ARHGAP29: variants seen among roughly 807,000 people sequenced by gnomAD.
ARHGAP29 encodes Rho GTPase activating protein 29.
A neutral mutation model predicts 122.6 loss-of-function variants in ARHGAP29; 43 were observed. That is an observed-to-expected ratio of 0.35 (90% CI 0.27 to 0.45). The LOEUF (loss-of-function observed/expected upper bound fraction) is 0.45, where lower values mean the gene tolerates loss of function less well. Ranked by LOEUF, ARHGAP29 falls within the 20% of genes least tolerant of loss-of-function variation. The probability of loss-of-function intolerance (pLI) is 1.00; values close to 1 mark genes in which losing one functional copy is unlikely to be tolerated. For synonymous variants in ARHGAP29, 506 were observed against 497.1 expected (o/e 1.02, Z -0.24); for missense variants, 1,303 against 1,477.2 (o/e 0.88, Z 1.93).
upstream of ARHGAP29, chr1:94,237,637 A>C (rs990729732): frequency 3.3e-5 from 33 of 986,390 alleles, no homozygotes; most frequent in South Asian, 4.5e-5. Flanking sequence ...CCCGCCCGCC[A>C]GCCCCGCCCC....
chr1:94,301,959 G>A, the ARHGAP29 span: 1 of 156,552 alleles, frequency 6.4e-6, no homozygotes, highest in Non-Finnish European at 1.4e-5. Context: ...TAAAGAGGAA[G>A]GAAATTCAGC....
chr1:94,186,752 T>C (rs914384807), intron 15 of ARHGAP29, among the ~76,000 whole-genome samples, 155 bp from the exon 16 acceptor site: 4 of 152,232 alleles, frequency 2.6e-5, no homozygotes, highest in Non-Finnish European at 2.9e-5. Flanking sequence ...ACAGGGAATT[T>C]TGATACTCAT....
intron 3 of ARHGAP29, among the ~76,000 whole-genome samples, chr1:94,211,204 T>C (rs956453049): frequency 3.7e-5 from 5 of 135,302 alleles, no homozygotes; most frequent in African/African-American, 8.0e-5. Context: ...TGAGAATCAC[T>C]TGAACCCAGG....
rs756691020 is a variant in ARHGAP29, at chr1:94,231,467, C to T, written c.145G>A (p.Val49Met). The change falls in exon 2 of 23, where the codon GTG (valine) becomes ATG (methionine). Residue 49 changes from valine (V) to methionine (M), a missense_variant. Coordinates refer to ENST00000260526, the MANE Select transcript of ARHGAP29 (RefSeq NM_004815.4). ...TGGGAGAACTTCCTGATATCATTCACCAACTCCTTGATGTAATCCGGATCA... is the reference window on the plus strand; with the variant it reads ...TGGGAGAACTTCCTGATATCATTCATCAACTCCTTGATGTAATCCGGATCA... ...IFDPDYIKEL[V>M]NDIRKFSHML... 6.2e-7 allele frequency: 1 copy of T among 1,613,640 alleles called. No individual in the cohort carries two copies. The highest frequency in any genetic ancestry group is 8.5e-7 in the Non-Finnish European group (1 of 1,179,730).
chr1:94,263,829 A>G (rs371667349), intron 1 of ARHGAP29, among the ~76,000 whole-genome samples: 25 of 152,174 alleles, frequency 1.6e-4, no homozygotes, highest in Non-Finnish European at 2.6e-4. Flanking sequence ...TTTTTATAAT[A>G]TAAACATTTT....
At chr1:94,203,435 A>G (rs1336304924) in intron 8 of ARHGAP29, among the ~76,000 whole-genome samples, 1 of 152,240 alleles carries the variant, frequency 6.6e-6, no homozygotes, top group African/African-American at 2.4e-5. Flanking sequence ...CAGTATTTGT[A>G]TAAAATTGTA....
At chr1:94,247,080 A>G (rs979171867) in intron 1 of ARHGAP29, among the ~76,000 whole-genome samples, 8 of 152,124 alleles carry the variant, frequency 5.3e-5, no homozygotes, top group Non-Finnish European at 1.5e-5. Context: ...AAAAGTAAAT[A>G]TGGAACATGA....
At chr1:94,211,769 T>A (rs1570548051) in intron 3 of ARHGAP29, among the ~76,000 whole-genome samples, 2 of 152,290 alleles carry the variant, frequency 1.3e-5, no homozygotes, top group South Asian at 4.2e-4. Context: ...TTTATTATTA[T>A]TATACTTTAA....
At chr1:94,273,673 C>T (rs1655079694) in intron 1 of ARHGAP29, among the ~76,000 whole-genome samples, 1 of 152,156 alleles carries the variant, frequency 6.6e-6, no homozygotes, top group African/African-American at 2.4e-5. Flanking sequence ...GCAAAACAAA[C>T]ATCTCATATC....
At chr1:94,293,829 A>G in the ARHGAP29 span, among the ~76,000 whole-genome samples, 1 of 152,124 alleles carries the variant, frequency 6.6e-6, no homozygotes. Flanking sequence ...TCCTCCAGGG[A>G]TTTTATGAAG....
intron 1 of ARHGAP29, among the ~76,000 whole-genome samples, chr1:94,273,749 T>G (rs911883308): frequency 2.0e-5 from 3 of 152,174 alleles, no homozygotes; most frequent in African/African-American, 7.2e-5. Flanking sequence ...TAGAGAAGTT[T>G]TTAGTCTTTT....
At chr1:94,199,451 G>A (rs1030436487) in intron 12 of ARHGAP29, among the ~76,000 whole-genome samples, 1 of 152,118 alleles carries the variant, frequency 6.6e-6, no homozygotes, top group Non-Finnish European at 1.5e-5. Context: ...ATCTTAAAAA[G>A]CATGCTGGCC....
intron 3 of ARHGAP29, among the ~76,000 whole-genome samples, chr1:94,213,815 T>C (rs940111564): frequency 1.3e-5 from 2 of 152,346 alleles, no homozygotes; most frequent in Admixed American, 6.5e-5. Flanking sequence ...GAAGATTAAA[T>C]GAACTTAGAA....
chr1:94,270,975 A>G (rs1265997723), intron 1 of ARHGAP29, among the ~76,000 whole-genome samples: 6 of 152,214 alleles, frequency 3.9e-5, no homozygotes, highest in African/African-American at 1.4e-4. Flanking sequence ...TGTGGGTTAG[A>G]AATCCAGGTG....
At chr1:94,201,519 TCTCTCTCTCTCTC>T (rs1650848159) in intron 12 of ARHGAP29, among the ~76,000 whole-genome samples, 188 bp downstream of exon 12, 1 of 1,958 alleles carries the variant, frequency 5.1e-4, no homozygotes, top group African/African-American at 7.2e-4. Flanking sequence ...TCTCTCTCTC[TCTCTCTCTCTCTC>T]TCTCTTTCTT....
intron 21 of ARHGAP29, 46 bp downstream of exon 21, chr1:94,177,806 T>TA: frequency 6.4e-7 from 1 of 1,552,540 alleles, no homozygotes; most frequent in Non-Finnish European, 8.7e-7. Flanking sequence ...CTTATTAACA[T>TA]AAATATTACA....
chr1:94,256,860 C>T (rs1025801682), intron 1 of ARHGAP29, among the ~76,000 whole-genome samples: 1 of 151,932 alleles, frequency 6.6e-6, no homozygotes, highest in African/African-American at 2.4e-5. Flanking sequence ...GCCTGCCCAA[C>T]AGTACTAATC....
intron 19 of ARHGAP29, among the ~76,000 whole-genome samples, chr1:94,182,568 G>A (rs1350218503): frequency 1.3e-5 from 2 of 151,922 alleles, no homozygotes; most frequent in South Asian, 2.1e-4. Flanking sequence ...AAAATCATAG[G>A]CCACATACAA....
chr1:94,211,063 TTGTC>T (rs1255330563), intron 3 of ARHGAP29, among the ~76,000 whole-genome samples: 2 of 151,818 alleles, frequency 1.3e-5, no homozygotes, highest in South Asian at 2.1e-4. Context: ...GGTGGACAGA[TTGTC>T]TGAGCTCAGA....
Sources: gnomAD v4.1 joint callset for allele counts (sites outside exome capture counted in the v4.1 genomes callset) on GRCh38, gnomAD v4.1.1 for gene constraint, MANE v1.5 for transcripts, NCBI Gene and HGNC (gene_info 2026-07-23, HGNC 2026-07-21) for gene names.